The following RTL4 variants were observed in gnomAD, a reference collection of about 807,000 sequenced individuals.
RTL4 encodes the protein retrotransposon Gag-like protein 4.
Under a neutral mutation model 5.3 loss-of-function variants are expected in RTL4, and 4 were observed. The ratio of observed to expected loss-of-function variants is 0.75; its 90% CI spans 0.37 to 1.72. The LOEUF (loss-of-function observed/expected upper bound fraction) is 1.72, where lower values mean the gene tolerates loss of function less well. Ranked by LOEUF, RTL4 falls within the 40% of genes most tolerant of loss-of-function variation. The pLI is 0.04. For missense variants in RTL4, 260 were observed against 227.1 expected (o/e 1.14, Z -0.93); for synonymous variants, 98 against 87.3 (o/e 1.12, Z -0.68).
the RTL4 span, among the ~76,000 whole-genome samples, chrX:112,098,006 C>T: frequency 6.3e-5 from 7 of 111,068 alleles, no homozygotes; most frequent in Admixed American, 1.9e-4. Flanking sequence ...ATGTGCACAA[C>T]GTGCAGGTTA....
At chrX:112,193,905 T>C in the RTL4 span, among the ~76,000 whole-genome samples, 2 of 112,396 alleles carry the variant, frequency 1.8e-5, no homozygotes, top group Admixed American at 1.9e-4. Flanking sequence ...GAGAATATCC[T>C]GAATATAAAC....
chrX:112,427,645 A>G, the RTL4 span, among the ~76,000 whole-genome samples: 4 of 111,086 alleles, frequency 3.6e-5, no homozygotes, highest in Non-Finnish European at 5.7e-5. Flanking sequence ...TAGTTTCCTA[A>G]TTAATAATTT....
the RTL4 span, among the ~76,000 whole-genome samples, chrX:112,204,401 G>C: frequency 2.7e-5 from 3 of 112,184 alleles, no homozygotes; most frequent in South Asian, 1.1e-3. Context: ...CAATAGCCAA[G>C]ATTTGGAAGC....
At chrX:112,420,953 G>A in the RTL4 span, among the ~76,000 whole-genome samples, 1 of 110,950 alleles carries the variant, frequency 9.0e-6, no homozygotes, top group Non-Finnish European at 1.9e-5. Flanking sequence ...ACGCATCAGG[G>A]CCCAGTTAAA....
chrX:112,149,147 G>A, the RTL4 span, among the ~76,000 whole-genome samples: 1 of 112,041 alleles, frequency 8.9e-6, no homozygotes. Flanking sequence ...TCATTTGCTT[G>A]TTTTCTTGTT....
At chrX:112,377,064 C>T in the RTL4 span, among the ~76,000 whole-genome samples, 886 of 111,852 alleles carry the variant, frequency 7.9e-3, 2 homozygotes, top group Non-Finnish European at 0.012. Flanking sequence ...ACATTAAGCT[C>T]ATGACACTAT....
the RTL4 span, among the ~76,000 whole-genome samples, chrX:112,290,438 C>T: frequency 3.6e-5 from 4 of 111,853 alleles, no homozygotes; most frequent in Non-Finnish European, 7.5e-5. Flanking sequence ...CAGTGACAGA[C>T]GGTCTTGACC....
At chrX:112,430,301 T>A in the RTL4 span, among the ~76,000 whole-genome samples, 1 of 111,094 alleles carries the variant, frequency 9.0e-6, no homozygotes, top group East Asian at 2.8e-4. Flanking sequence ...TTTTTTAAGC[T>A]CATAGATTCC....
At chrX:112,324,363 A>G in the RTL4 span, among the ~76,000 whole-genome samples, 1 of 111,373 alleles carries the variant, frequency 9.0e-6, no homozygotes, top group Non-Finnish European at 1.9e-5. Flanking sequence ...CCATTTCTCT[A>G]TTTTTGCTTT....
the RTL4 span, among the ~76,000 whole-genome samples, chrX:112,124,390 A>G: frequency 9.0e-6 from 1 of 111,718 alleles, no homozygotes; most frequent in Non-Finnish European, 1.9e-5. Context: ...TTGCAGCACT[A>G]TTTACAATAG....
the RTL4 span, chrX:112,381,381 T>C: frequency 5.8e-6 from 7 of 1,206,163 alleles, no homozygotes; most frequent in Admixed American, 1.3e-4. Context: ...AAAGAAAAGA[T>C]AGTGGCGGAA....
the RTL4 span, among the ~76,000 whole-genome samples, chrX:112,361,385 C>T: frequency 9.0e-6 from 1 of 111,364 alleles, no homozygotes; most frequent in African/African-American, 3.3e-5. Flanking sequence ...ACTCCCACTG[C>T]CTCCTAATCT....
the RTL4 span, among the ~76,000 whole-genome samples, chrX:112,444,649 T>C: frequency 8.1e-5 from 9 of 111,741 alleles, no homozygotes; most frequent in East Asian, 2.0e-3. Context: ...AGTCATTGAG[T>C]TCTAGGCTTT....
the RTL4 span, among the ~76,000 whole-genome samples, chrX:112,367,602 CAA>C: frequency 1.8e-5 from 2 of 112,129 alleles, no homozygotes; most frequent in East Asian, 5.6e-4. Context: ...CAAAAAATCC[CAA>C]GTTTCTTCCA....
chrX:112,285,819 T>G, the RTL4 span, among the ~76,000 whole-genome samples: 1 of 111,262 alleles, frequency 9.0e-6, no homozygotes, highest in Non-Finnish European at 1.9e-5. Flanking sequence ...CCAGCTTGGA[T>G]GTCCCCAATT....
chrX:112,261,267 A>T, the RTL4 span, among the ~76,000 whole-genome samples: 26,237 of 110,632 alleles, frequency 0.24, 2,775 homozygotes, highest in African/African-American at 0.42. Flanking sequence ...TGTTTGCAGA[A>T]GACATGATTG....
At chrX:112,274,144 T>A in the RTL4 span, among the ~76,000 whole-genome samples, 1 of 112,096 alleles carries the variant, frequency 8.9e-6, no homozygotes, top group Non-Finnish European at 1.9e-5. Context: ...TCTAAAGACC[T>A]TAATCCTCTT....
the RTL4 span, among the ~76,000 whole-genome samples, chrX:112,261,480 T>G: frequency 1.8e-5 from 2 of 111,350 alleles, no homozygotes; most frequent in African/African-American, 6.5e-5. Context: ...GAATCCAACT[T>G]ACAAGGGATG....
chrX:112,309,587 C>A, the RTL4 span, among the ~76,000 whole-genome samples: 1 of 108,343 alleles, frequency 9.2e-6, no homozygotes, highest in Admixed American at 1.0e-4. Context: ...CTCCCAAGCT[C>A]AAGCAATCCT....
Sources: gnomAD v4.1 joint callset for allele counts (sites outside exome capture counted in the v4.1 genomes callset) on GRCh38, gnomAD v4.1.1 for gene constraint, MANE v1.5 for transcripts, NCBI Gene and HGNC (gene_info 2026-07-23, HGNC 2026-07-21) for gene names.